Variants in RBM6 observed in about 807,000 individuals in gnomAD.
RBM6 encodes the protein RNA-binding protein 6.
Under a neutral mutation model 140.4 loss-of-function variants are expected in RBM6, and 23 were observed. The ratio of observed to expected loss-of-function variants is 0.16; its 90% CI spans 0.12 to 0.23. The LOEUF (loss-of-function observed/expected upper bound fraction) is 0.23. Ranked by LOEUF, RBM6 falls within the 10% of genes least tolerant of loss-of-function variation. RBM6 has a pLI of 1.00. For missense variants in RBM6, 1,139 were observed against 1,386.7 expected, an observed-to-expected ratio of 0.82 and a Z score of 2.84; for synonymous variants, 439 against 475.6, an observed-to-expected ratio of 0.92 and a Z score of 1.00.
At chr3:50,012,958 G>T (rs2086930210) in intron 6 of RBM6, among the ~76,000 whole-genome samples, 1 of 149,980 alleles carries the variant, frequency 6.7e-6, no homozygotes, top group South Asian at 2.1e-4. Flanking sequence ...GGTCAGGCTG[G>T]TATTGAACTC....
intron 6 of RBM6, among the ~76,000 whole-genome samples, chr3:50,030,316 G>C (rs1412556437): frequency 6.9e-6 from 1 of 145,264 alleles, no homozygotes; most frequent in African/African-American, 2.5e-5. Flanking sequence ...AAAAAAAATG[G>C]TTGTACCTTG....
At chr3:49,953,398 T>G (rs1237669696) in intron 1 of RBM6, among the ~76,000 whole-genome samples, 1 of 151,880 alleles carries the variant, frequency 6.6e-6, no homozygotes, top group African/African-American at 2.4e-5. Context: ...TTTTGTATTC[T>G]GAGTAGAGAC....
chr3:49,960,768 C>T (rs2084244695), intron 1 of RBM6, among the ~76,000 whole-genome samples: 1 of 152,110 alleles, frequency 6.6e-6, no homozygotes. Flanking sequence ...CCGATCAGGT[C>T]TGAGACAGTG....
intron 5 of RBM6, among the ~76,000 whole-genome samples, chr3:49,993,787 A>G (rs1238135051): frequency 6.6e-6 from 1 of 151,710 alleles, no homozygotes; most frequent in African/African-American, 2.4e-5. Flanking sequence ...TGGGCTGGAC[A>G]CAGTTGCTCA....
At chr3:50,017,824 G>A (rs986516017) in intron 6 of RBM6, among the ~76,000 whole-genome samples, 13 of 152,228 alleles carry the variant, frequency 8.5e-5, no homozygotes, top group African/African-American at 2.9e-4. Context: ...CCTGGCCTTT[G>A]GGGGTCATGC....
At chr3:49,976,449 A>G (rs776106595) in intron 5 of RBM6, among the ~76,000 whole-genome samples, 100 of 152,342 alleles carry the variant, frequency 6.6e-4, no homozygotes, top group Non-Finnish European at 1.2e-3. Context: ...TTTGTTTTAA[A>G]AACATCAACC....
chr3:49,964,002 G>C (rs1040052324), intron 2 of RBM6, among the ~76,000 whole-genome samples: 1 of 152,088 alleles, frequency 6.6e-6, no homozygotes, highest in African/African-American at 2.4e-5. Context: ...CTAGGTTCAA[G>C]TGATTCTCCT....
intron 6 of RBM6, among the ~76,000 whole-genome samples, chr3:50,000,179 T>G (rs570328574): frequency 2.5e-4 from 38 of 152,272 alleles, no homozygotes; most frequent in African/African-American, 9.1e-4. Context: ...ATCTATGTCT[T>G]TAATAGAACC....
At chr3:49,940,697 T>A (rs1390621235) in intron 1 of RBM6, 1 of 154,248 alleles carries the variant, frequency 6.5e-6, no homozygotes, top group Non-Finnish European at 1.5e-5. Flanking sequence ...GCACAAGAGC[T>A]CCGAGCCCGG....
intron 6 of RBM6, among the ~76,000 whole-genome samples, chr3:50,036,824 G>A (rs1424409149): frequency 6.6e-6 from 1 of 151,780 alleles, no homozygotes. Flanking sequence ...GCTCTGTCGC[G>A]AGGCTAGAGT....
intron 5 of RBM6, among the ~76,000 whole-genome samples, chr3:49,982,935 C>A (rs943951664): frequency 7.2e-5 from 11 of 152,060 alleles, no homozygotes; most frequent in Non-Finnish European, 1.5e-4. Context: ...TGGTTTCAAT[C>A]TCCTGACTTC....
intron 6 of RBM6, among the ~76,000 whole-genome samples, chr3:50,045,336 G>C (rs965884173): frequency 1.1e-4 from 16 of 152,132 alleles, no homozygotes; most frequent in Non-Finnish European, 2.2e-4. Context: ...TATGGATTGG[G>C]TATACAGATG....
At chr3:50,067,015 T>G (rs1169606385) in intron 17 of RBM6, among the ~76,000 whole-genome samples, 1 of 151,544 alleles carries the variant, frequency 6.6e-6, no homozygotes. Flanking sequence ...ATGGTGAAAC[T>G]GTCTCTACTA....
At chr3:49,970,978 A>G (rs1487237001) in intron 3 of RBM6, among the ~76,000 whole-genome samples, 2 of 152,178 alleles carry the variant, frequency 1.3e-5, no homozygotes, top group Non-Finnish European at 2.9e-5. Context: ...AAAAATAACA[A>G]AAATTAGGCC....
At chr3:49,997,408 G>A (rs1005754583) in intron 5 of RBM6, among the ~76,000 whole-genome samples, 7 of 152,136 alleles carry the variant, frequency 4.6e-5, no homozygotes, top group Non-Finnish European at 7.4e-5. Context: ...AAGTATGAAC[G>A]TTGTCATGAA....
intron 1 of RBM6, among the ~76,000 whole-genome samples, chr3:49,959,045 G>A (rs1260181711): frequency 6.6e-6 from 1 of 151,778 alleles, no homozygotes; most frequent in Non-Finnish European, 1.5e-5. Context: ...AACCCACTTC[G>A]GCCTCCCAAA....
chr3:50,064,135 G>A (rs1396361295), intron 15 of RBM6, among the ~76,000 whole-genome samples: 1 of 152,000 alleles, frequency 6.6e-6, no homozygotes. Context: ...GTTTCACCAT[G>A]TTGGTCAAGC....
intron 19 of RBM6, among the ~76,000 whole-genome samples, chr3:50,072,317 G>A (rs191657706): frequency 2.0e-5 from 3 of 151,750 alleles, no homozygotes; most frequent in Non-Finnish European, 4.4e-5. Flanking sequence ...GACTGGGGCA[G>A]GAGAATCGCT....
chr3:50,059,743 G>T lies in RBM6; in HGVS notation c.2225G>T (p.Arg742Leu). The change falls in exon 11 of 21, where the codon CGA (arginine) becomes CTA (leucine). Residue 742 changes from arginine (R) to leucine (L), a missense_variant. By Grantham distance (102) the Arg-to-Leu change is moderately radical. Around this residue, in one of 9 missense-constraint regions of RBM6, gnomAD observed 163 missense variants for 182.8 expected, o/e 0.89. Transcript: ENST00000266022. ...MVAVNLATGK[R>L]RNDSGDHSDH... The stretch of plus-strand genomic sequence containing the variant: ...GCTGTAAACCTGGCCACTGGAAAAC[G>T]AAGGTAAGGCAGAAGGGTGAGGATC... The T allele has an allele frequency of 6.2e-7, 1 of 1,613,000 alleles. No homozygotes were observed. The highest frequency in any genetic ancestry group is 8.5e-7 in the Non-Finnish European group (1 of 1,179,266).
Sources: allele counts gnomAD v4.1 joint callset (sites outside exome capture counted in the v4.1 genomes callset), GRCh38; gene constraint gnomAD v4.1.1; regional missense constraint gnomAD v4.1.1; transcripts MANE v1.5; gene names NCBI Gene and HGNC (gene_info 2026-07-23, HGNC 2026-07-21).